PTPRD: variants seen among roughly 807,000 people sequenced by gnomAD.
PTPRD encodes the protein protein tyrosine phosphatase receptor type D, also known as receptor-type tyrosine-protein phosphatase delta.
Under a neutral mutation model 214.5 loss-of-function variants are expected in PTPRD, and 34 were observed. The observed-to-expected ratio is 0.16, with a 90% CI of 0.12 to 0.21. The LOEUF is 0.21. PTPRD is among the 10% of genes least tolerant of loss of function. The probability of loss-of-function intolerance (pLI) is 1.00; values close to 1 mark genes in which losing one functional copy is unlikely to be tolerated. For missense variants in PTPRD, 2,545 were observed against 2,398.7 expected (o/e 1.06, Z -1.27); for synonymous variants, 1,128 against 845.7 (o/e 1.33, Z -5.79).
At chr9:9,474,935 G>A (rs1294830692) in intron 8 of PTPRD, among the ~76,000 whole-genome samples, 1 of 151,802 alleles carries the variant, frequency 6.6e-6, no homozygotes, top group Non-Finnish European at 1.5e-5. Context: ...TCTTTCTCTG[G>A]CCTAACTTCT....
chr9:8,524,649 G>A (rs2097969216), intron 18 of PTPRD: 1 of 512,482 alleles, frequency 2.0e-6, no homozygotes, highest in South Asian at 2.1e-5. Flanking sequence ...GCAAAGCACA[G>A]TTCAATCAAT....
chr9:10,251,951 A>G (rs1057367663), intron 3 of PTPRD, among the ~76,000 whole-genome samples: 4 of 152,116 alleles, frequency 2.6e-5, no homozygotes, highest in African/African-American at 9.7e-5. Flanking sequence ...AATGTATTGT[A>G]TATTTCAAAG....
chr9:9,125,751 T>G (rs754975661), intron 10 of PTPRD, among the ~76,000 whole-genome samples: 1 of 152,110 alleles, frequency 6.6e-6, no homozygotes, highest in Non-Finnish European at 1.5e-5. Context: ...AAATAAAAAA[T>G]CCATGCCCTC....
intron 2 of PTPRD, among the ~76,000 whole-genome samples, chr9:10,585,400 C>T (rs899992033): frequency 5.9e-5 from 9 of 151,790 alleles, no homozygotes; most frequent in African/African-American, 2.2e-4. Context: ...TAGGAGATAG[C>T]CAATTAACAA....
chr9:8,744,018 C>T (rs776289539), intron 11 of PTPRD, among the ~76,000 whole-genome samples: 3 of 151,598 alleles, frequency 2.0e-5, no homozygotes, highest in African/African-American at 4.8e-5. Context: ...AAATGGCCAA[C>T]AAGCATATGG....
chr9:9,019,405 T>C (rs1025998133), intron 10 of PTPRD, among the ~76,000 whole-genome samples: 1 of 152,118 alleles, frequency 6.6e-6, no homozygotes, highest in Non-Finnish European at 1.5e-5. Flanking sequence ...AAACTTTTAA[T>C]TATATACCTC....
chr9:9,750,996 G>C (rs1032339744), intron 6 of PTPRD, among the ~76,000 whole-genome samples: 7 of 152,036 alleles, frequency 4.6e-5, no homozygotes, highest in Non-Finnish European at 1.0e-4. Context: ...ATCAAATACA[G>C]TGCCTAATTT....
At chr9:9,908,533 A>C (rs2078264941) in intron 5 of PTPRD, among the ~76,000 whole-genome samples, 2 of 152,046 alleles carry the variant, frequency 1.3e-5, no homozygotes, top group South Asian at 2.1e-4. Flanking sequence ...CAGGGTTGTT[A>C]ATGTATATTA....
At chr9:10,455,034 A>C (rs1361486683) in intron 2 of PTPRD, among the ~76,000 whole-genome samples, 1 of 151,736 alleles carries the variant, frequency 6.6e-6, no homozygotes, top group East Asian at 1.9e-4. Flanking sequence ...ATACTTTTTA[A>C]AAATGTCCTA....
intron 5 of PTPRD, among the ~76,000 whole-genome samples, chr9:9,767,130 A>G (rs962510940): frequency 6.6e-6 from 1 of 152,120 alleles, no homozygotes; most frequent in African/African-American, 2.4e-5. Context: ...TCCAGGAAAA[A>G]ATTATAGAAA....
chr9:10,233,241 A>C (rs1365548561), intron 3 of PTPRD, among the ~76,000 whole-genome samples: 2 of 152,042 alleles, frequency 1.3e-5, no homozygotes, highest in African/African-American at 4.8e-5. Context: ...TCTAAGAAGG[A>C]AAGTGAGGGG....
chr9:8,487,047 T>C (rs1019632661), intron 27 of PTPRD, among the ~76,000 whole-genome samples: 4 of 152,152 alleles, frequency 2.6e-5, no homozygotes, highest in Admixed American at 2.0e-4. Flanking sequence ...ATGAATTTAA[T>C]TTGCACTTTC....
intron 5 of PTPRD, among the ~76,000 whole-genome samples, chr9:9,838,745 T>C (rs2057520621): frequency 6.6e-6 from 1 of 152,336 alleles, no homozygotes; most frequent in Middle Eastern, 3.4e-3. Context: ...TAGTTTCTTT[T>C]GCTGTGCAGA....
intron 3 of PTPRD, among the ~76,000 whole-genome samples, chr9:10,173,831 A>AAGCCTTG (rs1447042252): frequency 1.3e-5 from 2 of 151,834 alleles, no homozygotes; most frequent in Non-Finnish European, 2.9e-5. Context: ...AAGTAATAAC[A>AAGCCTTG]AGCCTTGAGC....
intron 8 of PTPRD, among the ~76,000 whole-genome samples, chr9:9,534,527 A>T (rs747098422): frequency 3.2e-4 from 48 of 152,192 alleles, no homozygotes; most frequent in South Asian, 4.1e-4. Context: ...TAATACATAA[A>T]TTTTTTAAAA....
chr9:8,826,444 CT>C (rs560869244), intron 11 of PTPRD, among the ~76,000 whole-genome samples: 55 of 152,294 alleles, frequency 3.6e-4, no homozygotes, highest in African/African-American at 1.3e-3. Flanking sequence ...ATCTTAATCA[CT>C]TTTGACTCAC....
chr9:8,710,346 G>T (rs1449240892), intron 12 of PTPRD, among the ~76,000 whole-genome samples: 1 of 152,278 alleles, frequency 6.6e-6, no homozygotes, highest in South Asian at 2.1e-4. Context: ...GCCATGCAGG[G>T]TGGCTTATGC....
intron 3 of PTPRD, among the ~76,000 whole-genome samples, chr9:10,306,181 C>T (rs2096061431): frequency 6.8e-6 from 1 of 147,558 alleles, no homozygotes; most frequent in African/African-American, 2.5e-5. Flanking sequence ...AACAGAAAAC[C>T]AAACACCGCA....
intron 11 of PTPRD, among the ~76,000 whole-genome samples, chr9:8,863,438 T>C (rs1261202933): frequency 2.0e-5 from 3 of 152,212 alleles, no homozygotes; most frequent in Non-Finnish European, 4.4e-5. Context: ...TCTAATTACC[T>C]TTCCTATTTC....
Sources: allele counts gnomAD v4.1 joint callset (sites outside exome capture counted in the v4.1 genomes callset), GRCh38; gene constraint gnomAD v4.1.1; transcripts MANE v1.5; gene names NCBI Gene and HGNC (gene_info 2026-07-23, HGNC 2026-07-21).